Variants in SCRN1 observed in about 807,000 individuals in gnomAD.
SCRN1 encodes secernin-1.
In SCRN1, 19 loss-of-function variants were observed where a neutral mutation model predicts 43.3. The ratio of observed to expected loss-of-function variants is 0.44; its 90% CI spans 0.31 to 0.64. The LOEUF is 0.64. Among genes scored for constraint, SCRN1 ranks in the 30% least tolerant of loss-of-function variants. The probability of loss-of-function intolerance (pLI) is 0.09; values close to 1 mark genes in which losing one functional copy is unlikely to be tolerated. For synonymous variants in SCRN1, 183 were observed against 188.9 expected (o/e 0.97, Z 0.26); for missense variants, 447 against 524.1 (o/e 0.85, Z 1.44).
At chr7:29,944,321 C>T in intron 3 of SCRN1, 142 bp from the exon 4 acceptor site, 1 of 687,420 alleles carries the variant, frequency 1.5e-6, no homozygotes, top group Non-Finnish European at 2.5e-6. Flanking sequence ...AATAAGCAAA[C>T]TGATTAACTG....
chr7:29,946,068 T>C (rs574618151), intron 3 of SCRN1, among the ~76,000 whole-genome samples: 1 of 152,368 alleles, frequency 6.6e-6, no homozygotes, highest in East Asian at 1.9e-4. Flanking sequence ...CAGGCTTATG[T>C]TTATAGTCAA....
intron 6 of SCRN1, among the ~76,000 whole-genome samples, chr7:29,931,690 A>T (rs568779468): frequency 2.1e-4 from 32 of 152,332 alleles, no homozygotes; most frequent in Admixed American, 1.2e-3. Context: ...AGATGCAGAA[A>T]CTCTCCAAGC....
In SCRN1 at chr7:29,923,429, C is replaced by T. The variant is rs1226833430; in HGVS notation, c.*528G>A. On this transcript the variant is annotated 3_prime_UTR_variant, in exon 8 of 8. Transcript: ENST00000242059. ...AATTGGTTCTGCCCCCCAGAAGACA[C>T]CTGTAGAGACACTGTGCACTACAGG... The T allele has an allele frequency of 2.6e-5, 4 of 152,996 alleles. No homozygotes were observed. The highest frequency in any genetic ancestry group is 9.7e-5 in the African/African-American group (4 of 41,442). The allele number at this position is 152,996 out of a possible 1,614,324, so 9.5% of individuals were successfully genotyped here.
chr7:29,952,058 T>C (rs1413366248), intron 3 of SCRN1, among the ~76,000 whole-genome samples: 7 of 152,160 alleles, frequency 4.6e-5, no homozygotes, highest in South Asian at 4.1e-4. Context: ...CCAGAGAAAG[T>C]AGTGGTTCCT....
chr7:29,971,457 A>T (rs1479142491), intron 1 of SCRN1, among the ~76,000 whole-genome samples: 1 of 151,972 alleles, frequency 6.6e-6, no homozygotes, highest in Admixed American at 6.6e-5. Context: ...ACATGGAGAG[A>T]CCCTGTTTCC....
intron 3 of SCRN1, among the ~76,000 whole-genome samples, chr7:29,949,985 C>G (rs867156335): frequency 7.9e-5 from 12 of 152,180 alleles, no homozygotes; most frequent in Admixed American, 2.6e-4. Flanking sequence ...TGTGAAGATG[C>G]CGGCTGCAAC....
chr7:29,963,268 G>A (rs1243698518), intron 2 of SCRN1, among the ~76,000 whole-genome samples: 1 of 152,104 alleles, frequency 6.6e-6, no homozygotes, highest in Non-Finnish European at 1.5e-5. Flanking sequence ...TCTCTCCTGG[G>A]CCAGAACTCA....
At chr7:29,974,474 G>T (rs1562821793) in intron 1 of SCRN1, among the ~76,000 whole-genome samples, 2 of 152,072 alleles carry the variant, frequency 1.3e-5, no homozygotes, top group Non-Finnish European at 2.9e-5. Flanking sequence ...AAACTGGCCA[G>T]TCTGGAAGCC....
intron 7 of SCRN1, among the ~76,000 whole-genome samples, chr7:29,925,429 C>G (rs1042100448): frequency 2.0e-5 from 3 of 152,202 alleles, no homozygotes; most frequent in Admixed American, 1.3e-4. Flanking sequence ...AAAGGTCCCC[C>G]TTTTGGGCCC....
chr7:29,970,928 A>G (rs1205747330), intron 1 of SCRN1, among the ~76,000 whole-genome samples: 2 of 152,196 alleles, frequency 1.3e-5, no homozygotes, highest in Admixed American at 6.5e-5. Context: ...TGTTGCTTGT[A>G]TATTTCTTTA....
intron 3 of SCRN1, among the ~76,000 whole-genome samples, chr7:29,946,446 C>A (rs1223557671): frequency 6.6e-6 from 1 of 152,230 alleles, no homozygotes; most frequent in Non-Finnish European, 1.5e-5. Flanking sequence ...GTTCCCAGGG[C>A]CTTTGCAGGG....
chr7:29,934,072 T>C (rs1311033617), intron 6 of SCRN1, among the ~76,000 whole-genome samples: 2 of 152,164 alleles, frequency 1.3e-5, no homozygotes, highest in Non-Finnish European at 2.9e-5. Context: ...AAATGTTGAA[T>C]AGAAAGAATA....
At chr7:29,957,276 G>T (rs369692542) in intron 2 of SCRN1, among the ~76,000 whole-genome samples, 1 of 152,188 alleles carries the variant, frequency 6.6e-6, no homozygotes, top group Non-Finnish European at 1.5e-5. Context: ...TGTCCTTTTG[G>T]CTGGGGAGGA....
chr7:29,942,996 G>T (rs201316020), intron 4 of SCRN1, among the ~76,000 whole-genome samples: 2 of 152,236 alleles, frequency 1.3e-5, no homozygotes, highest in East Asian at 3.9e-4. Context: ...TCTAACTCGG[G>T]TCAAATTTGG....
chr7:29,926,744 G>T, intron 6 of SCRN1, 112 bp from the exon 7 acceptor site: 1 of 854,046 alleles, frequency 1.2e-6, no homozygotes. Flanking sequence ...GGTGGGTGGT[G>T]GGTGTGGGTG....
chr7:29,925,704 C>T (rs1223682115), intron 7 of SCRN1, among the ~76,000 whole-genome samples: 1 of 151,972 alleles, frequency 6.6e-6, no homozygotes, highest in Non-Finnish European at 1.5e-5. Flanking sequence ...ATTACGACTT[C>T]TTTTTTAAAA....
At position 29,968,823 on chromosome 7, in the gene SCRN1, G is replaced by C. The variant is rs1029694964; in HGVS notation, c.159+86C>G. ...CATGATAGCTCTGACTTGTGAGCAA[G>C]CTTCCAAGCAAGAAGTTAGGGTTGT... On this transcript the variant is annotated intron_variant, in intron 2 of 7. Transcript: ENST00000242059. The C allele has an allele frequency of 1.4e-4, 215 of 1,518,384 alleles. 1 individual carries two copies. The highest frequency in any genetic ancestry group is 1.5e-5 in the Non-Finnish European group (17 of 1,103,022). The allele number at this position is 1,518,384 out of a possible 1,614,324, so 94.1% of individuals were successfully genotyped here.
rs889444093 is a variant in SCRN1 at position 29,950,228 on chromosome 7, A to T, written c.341+4951T>A. Reference sequence around the variant, plus strand: ...CCAGCACCTGCTCCAGTGCAGAGCAAAGTTGTGGCTGAGCCCAGGTGCTAT... The same window carrying T: ...CCAGCACCTGCTCCAGTGCAGAGCATAGTTGTGGCTGAGCCCAGGTGCTAT... On this transcript the variant is annotated intron_variant, in intron 3 of 7. Transcript: ENST00000242059. The surrounding 1 kb of genome is among the most constrained non-coding windows in gnomAD (Gnocchi z 4.5). Among the ~76,000 whole-genome samples, 5 of 152,178 alleles carry T rather than the reference A, an allele frequency of 3.3e-5. No homozygotes were observed. Among genetic ancestry groups the T allele is most frequent in the Non-Finnish European group, 7.3e-5 (5 of 68,028 alleles).
Position 29,936,547 on chromosome 7 carries a change from C to T in SCRN1, c.905+9G>A, listed in dbSNP as rs375042049. 19 of 1,558,538 alleles carry T rather than the reference C, an allele frequency of 1.2e-5. No homozygotes were observed. The highest frequency in any genetic ancestry group is 2.4e-5 in the South Asian group (2 of 84,600). ...ATGTTCTGCCTACGTGACCAGGCCTCGGACAAACCTGGAAGGATCAGGGGT... is the reference window on the plus strand; with the variant it reads ...ATGTTCTGCCTACGTGACCAGGCCTTGGACAAACCTGGAAGGATCAGGGGT... On this transcript the variant is annotated intron_variant, in intron 6 of 7. Transcript: ENST00000242059.
Sources: gnomAD v4.1 joint callset for allele counts (sites outside exome capture counted in the v4.1 genomes callset) on GRCh38, gnomAD v4.1.1 for gene constraint, Gnocchi (gnomAD v3.1) non-coding constraint, MANE v1.5 for transcripts, NCBI Gene and HGNC (gene_info 2026-07-23, HGNC 2026-07-21) for gene names.